CHST11: variants seen among roughly 807,000 people sequenced by gnomAD.
CHST11 encodes carbohydrate sulfotransferase 11, also known as C4S-1.
In CHST11, 9 loss-of-function variants were observed where a neutral mutation model predicts 30.4. The observed-to-expected ratio is 0.30, with a 90% CI of 0.18 to 0.52. CHST11 has a LOEUF of 0.52. CHST11 is among the 20% of genes least tolerant of loss of function. The probability of loss-of-function intolerance (pLI) is 0.97; values close to 1 mark genes in which losing one functional copy is unlikely to be tolerated. For missense variants in CHST11, 348 were observed against 460.6 expected (o/e 0.76, Z 2.24); for synonymous variants, 152 against 187.8 (o/e 0.81, Z 1.56).
chr12:104,750,579 G>T (rs2040423117), intron 2 of CHST11, among the ~76,000 whole-genome samples: 1 of 151,414 alleles, frequency 6.6e-6, no homozygotes, highest in Non-Finnish European at 1.5e-5. Context: ...CAGTAGCTGG[G>T]AGTACAGGTG....
At chr12:104,460,789 G>A (rs1337298354) in intron 1 of CHST11, among the ~76,000 whole-genome samples, 6 of 152,136 alleles carry the variant, frequency 3.9e-5, no homozygotes, top group Admixed American at 3.9e-4. Flanking sequence ...GCAAATTTGA[G>A]TAATTGGTCA....
At chr12:104,695,804 T>A (rs2039939184) in intron 2 of CHST11, among the ~76,000 whole-genome samples, 1 of 152,176 alleles carries the variant, frequency 6.6e-6, no homozygotes, top group Non-Finnish European at 1.5e-5. Flanking sequence ...TAGCTGGCAT[T>A]GCCACGTACA....
At chr12:104,480,382 C>T (rs1041524047) in intron 1 of CHST11, among the ~76,000 whole-genome samples, 8 of 151,982 alleles carry the variant, frequency 5.3e-5, no homozygotes, top group Non-Finnish European at 8.8e-5. Context: ...TTGAGACCAG[C>T]CTGGCCAAGA....
chr12:104,720,714 T>C (rs1478167064), intron 2 of CHST11, among the ~76,000 whole-genome samples: 3 of 137,620 alleles, frequency 2.2e-5, no homozygotes, highest in African/African-American at 5.0e-5. Context: ...TGATCTGCTG[T>C]TTGATTTTAA....
chr12:104,474,080 A>G (rs2037535750), intron 1 of CHST11, among the ~76,000 whole-genome samples: 1 of 152,212 alleles, frequency 6.6e-6, no homozygotes, highest in South Asian at 2.1e-4. Flanking sequence ...CTGGATTTAC[A>G]CTTGCAAACT....
At chr12:104,631,966 C>G (rs752412071) in intron 2 of CHST11, among the ~76,000 whole-genome samples, 11 of 152,120 alleles carry the variant, frequency 7.2e-5, no homozygotes, top group Non-Finnish European at 1.0e-4. Context: ...GACTTAAGGC[C>G]ACTGTTGAGG....
chr12:104,662,358 G>A (rs1401205272), intron 2 of CHST11, among the ~76,000 whole-genome samples: 1 of 152,170 alleles, frequency 6.6e-6, no homozygotes, highest in East Asian at 1.9e-4. Context: ...TGGTTGTGAG[G>A]CTTGAATCAT....
At chr12:104,498,673 G>A (rs954235389) in intron 1 of CHST11, among the ~76,000 whole-genome samples, 2 of 152,194 alleles carry the variant, frequency 1.3e-5, no homozygotes, top group Non-Finnish European at 2.9e-5. Context: ...TATCCAACTT[G>A]TTGGGAAAGG....
chr12:104,686,709 G>A lies in CHST11; in HGVS notation c.205-70240G>A, dbSNP rs189068476. On this transcript the variant is annotated intron_variant, in intron 2 of 2. Coordinates refer to ENST00000303694, the MANE Select transcript of CHST11 (RefSeq NM_018413.6). ...GTTGCCCAGGCTGGAGTGCAGTGGC[G>A]CGATCTCAGCTCACCGTAACCTCCG... Among the ~76,000 whole-genome samples the A allele has an allele frequency of 4.5e-3, 684 of 152,244 alleles. 1 individual carries two copies. Among genetic ancestry groups the A allele is most frequent in the Non-Finnish European group, 7.1e-3 (486 of 68,010 alleles).
intron 1 of CHST11, among the ~76,000 whole-genome samples, chr12:104,505,325 A>AC (rs914261270): frequency 2.1e-4 from 32 of 151,446 alleles, no homozygotes; most frequent in African/African-American, 7.8e-4. Context: ...ATGGAACAGC[A>AC]CCCCCCACAC....
At position 104,757,196 on chromosome 12, in the gene CHST11, C is replaced by T. The variant is rs371299013; in HGVS notation, c.452C>T (p.Pro151Leu). The T allele has an allele frequency of 1.1e-5, 17 of 1,613,970 alleles. No homozygotes were observed. The highest frequency in any genetic ancestry group is 2.2e-5 in the South Asian group (2 of 91,082). ...RGKYSDPMEI[P>L]ANEAHVSANL... ...AAGTACAGCGACCCCATGGAGATCC[C>T]GGCCAACGAGGCACACGTCTCCGCC... Residue 151 changes from proline (P) to leucine (L), a missense_variant, in exon 3 of 3, where the codon CCG becomes CTG. By Grantham distance (98) the Pro-to-Leu change is moderately conservative. Around this residue, in one of 3 missense-constraint regions of CHST11, gnomAD observed 210 missense variants for 287.2 expected, o/e 0.73. Coordinates refer to ENST00000303694, the MANE Select transcript of CHST11 (RefSeq NM_018413.6). The surrounding 1 kb of genome is among the most constrained non-coding windows in gnomAD (Gnocchi z 6.5).
intron 1 of CHST11, among the ~76,000 whole-genome samples, chr12:104,594,288 G>C (rs935138689): frequency 2.0e-5 from 3 of 152,122 alleles, no homozygotes; most frequent in Non-Finnish European, 4.4e-5. Flanking sequence ...CCAGACGAGG[G>C]CTAAGAAACC....
intron 1 of CHST11, among the ~76,000 whole-genome samples, chr12:104,479,943 T>G (rs574728003): frequency 2.6e-5 from 4 of 152,280 alleles, no homozygotes; most frequent in East Asian, 1.9e-4. Flanking sequence ...CACTTTTGCT[T>G]AAATCTCACT....
chr12:104,497,070 A>G lies in CHST11; in HGVS notation c.118+39541A>G, dbSNP rs367722645. 1.1e-4 allele frequency among the ~76,000 whole-genome samples: 17 copies of G among 152,342 alleles called. No homozygotes were observed. In the East Asian group the frequency reaches 1.9e-3, roughly 17 times the overall value. On this transcript the variant is annotated intron_variant, in intron 1 of 2. Coordinates refer to ENST00000303694, the MANE Select transcript of CHST11 (RefSeq NM_018413.6). Reference sequence around the variant, plus strand: ...GGATATCAAGCCCCTGGTTTCTGTCATAAGACGTTCACTTAACAGGTGCTA... The same window carrying G: ...GGATATCAAGCCCCTGGTTTCTGTCGTAAGACGTTCACTTAACAGGTGCTA...
intron 2 of CHST11, among the ~76,000 whole-genome samples, chr12:104,708,554 G>A (rs2136118684): frequency 6.6e-6 from 1 of 152,304 alleles, no homozygotes; most frequent in Middle Eastern, 3.4e-3. Context: ...GGCTGGCCAA[G>A]CTTGCAAGGT....
chr12:104,516,914 A>G (rs2038029491), intron 1 of CHST11, among the ~76,000 whole-genome samples: 2 of 152,170 alleles, frequency 1.3e-5, no homozygotes, highest in African/African-American at 4.8e-5. Context: ...TAAGTTGATC[A>G]TGGAGCAAAA....
rs564164384 is a variant in CHST11 at position 104,661,298 on chromosome 12, G to A, written c.204+59307G>A. Among the ~76,000 whole-genome samples the A allele has an allele frequency of 3.9e-4, 59 of 152,256 alleles. No homozygotes were observed. In the South Asian group the frequency reaches 4.6e-3, roughly 12 times the overall value. ...TCCTAGCACTTTGGAAGGGCGAGGC[G>A]GGTAGATCGCTGGAGATTACTAGTG... On this transcript the variant is annotated intron_variant, in intron 2 of 2. Coordinates refer to ENST00000303694, the MANE Select transcript of CHST11 (RefSeq NM_018413.6).
At chr12:104,486,699 G>A (rs369677154) in intron 1 of CHST11, among the ~76,000 whole-genome samples, 1 of 152,160 alleles carries the variant, frequency 6.6e-6, no homozygotes, top group African/African-American at 2.4e-5. Flanking sequence ...GGCACAAACC[G>A]AATCATAGAA....
At chr12:104,481,846 C>CTTT (rs2037626279) in intron 1 of CHST11, among the ~76,000 whole-genome samples, 2 of 84,100 alleles carry the variant, frequency 2.4e-5, no homozygotes, top group Admixed American at 1.4e-4. Flanking sequence ...CTTTCTCTTG[C>CTTT]ATTTTTTTTT....
Sources: gnomAD v4.1 joint callset for allele counts (sites outside exome capture counted in the v4.1 genomes callset) on GRCh38, gnomAD v4.1.1 for gene constraint, gnomAD v4.1.1 regional missense constraint, Gnocchi (gnomAD v3.1) non-coding constraint, MANE v1.5 for transcripts, NCBI Gene and HGNC (gene_info 2026-07-23, HGNC 2026-07-21) for gene names.